Variants in RGS3 observed in about 807,000 individuals in gnomAD.
RGS3 encodes regulator of G-protein signalling 3.
RGS3 carries 80 observed loss-of-function variants against 132.6 expected under a neutral mutation model. That is an observed-to-expected ratio of 0.60 (90% CI 0.50 to 0.73). The LOEUF is 0.73. RGS3 is among the 30% of genes least tolerant of loss of function. The pLI is 0.00. For missense variants in RGS3, 1,382 were observed against 1,530.8 expected (o/e 0.90, Z 1.62); for synonymous variants, 598 against 620.6 (o/e 0.96, Z 0.54).
intron 3 of RGS3, among the ~76,000 whole-genome samples, chr9:113,478,331 G>A (rs1830059033): frequency 6.6e-6 from 1 of 151,868 alleles, no homozygotes; most frequent in African/African-American, 2.4e-5. Context: ...ATAGTTCGTG[G>A]ATATATTTGA....
At chr9:113,515,658 T>TA (rs1351964184) in intron 15 of RGS3, among the ~76,000 whole-genome samples, 2 of 151,912 alleles carry the variant, frequency 1.3e-5, no homozygotes, top group African/African-American at 4.8e-5. Context: ...AACAAAAACC[T>TA]AAAAATCTTT....
chr9:113,486,986 A>G (rs1830350265), intron 7 of RGS3, among the ~76,000 whole-genome samples: 1 of 150,804 alleles, frequency 6.6e-6, no homozygotes, highest in South Asian at 2.1e-4. Context: ...CGGATCACCG[A>G]TAGAGACTTG....
In RGS3 at chr9:113,532,884, C is replaced by G. The variant is rs544256384; in HGVS notation, c.1914+3620C>G. ...TTATACAAAAAGCTGCCAGCGAACT[C>G]TGCAGCTGCTCTGAGACCCAGCTAC... On this transcript the variant is annotated intron_variant, in intron 18 of 24. Coordinates refer to ENST00000350696, the Ensembl canonical transcript of RGS3. 3.3e-5 allele frequency among the ~76,000 whole-genome samples: 5 copies of G among 152,334 alleles called. No homozygotes were observed. In the East Asian group the frequency reaches 9.7e-4, roughly 29 times the overall value.
intron 21 of RGS3, chr9:113,592,689 T>A (rs1366886268): frequency 6.6e-6 from 1 of 152,164 alleles, no homozygotes; most frequent in Non-Finnish European, 1.5e-5. Flanking sequence ...GGTTTTGCCA[T>A]GTTGGCCAGG....
intron 17 of RGS3, among the ~76,000 whole-genome samples, chr9:113,528,308 G>A (rs1364893833): frequency 2.0e-5 from 3 of 152,236 alleles, no homozygotes; most frequent in Non-Finnish European, 4.4e-5. Flanking sequence ...CTAAGCGGGA[G>A]TGCTGCCAGG....
chr9:113,479,590 G>A (rs773487793), intron 4 of RGS3, 49 bp downstream of exon 2: 8 of 1,586,118 alleles, frequency 5.0e-6, no homozygotes, highest in Non-Finnish European at 6.9e-6. Flanking sequence ...GGGCCACTCA[G>A]CTTGCTGCCT....
At chr9:113,498,598 C>T (rs996299895) in intron 10 of RGS3, among the ~76,000 whole-genome samples, 6 of 152,112 alleles carry the variant, frequency 3.9e-5, no homozygotes, top group Non-Finnish European at 7.4e-5. Flanking sequence ...AGGGGATCTA[C>T]GGTTTTCTTT....
At chr9:113,484,189 G>T (rs770598136) in exon 6 of RGS3, 1 of 1,613,044 alleles carries the variant, frequency 6.2e-7, no homozygotes, top group Admixed American at 1.7e-5. Flanking sequence ...GACGCAGACC[G>T]TTCCAGACTG....
In RGS3 at chr9:113,447,329, G is replaced by GTATATATGTATATGTATATGTA. The variant is rs1305095004; in HGVS notation, c.-13+2409_-13+2410insGTATATGTATATGTATATATAT. 1.4e-3 allele frequency among the ~76,000 whole-genome samples: 39 copies of GTATATATGTATATGTATATGTA among 27,562 alleles called. 1 individual carries two copies. Among genetic ancestry groups the GTATATATGTATATGTATATGTA allele is most frequent in the Admixed American group, 2.2e-3 (4 of 1,784 alleles). The allele number at this position is 27,562 out of a possible 152,430, so 18.1% of individuals were successfully genotyped here. On this transcript the variant is annotated intron_variant, in intron 1 of 25. Transcript: ENST00000374140. Reference sequence around the variant, plus strand: ...CCAATAAATTCTGATGTATGTATATGTATATATATATATATATATATATAT... The same window carrying GTATATATGTATATGTATATGTA: ...CCAATAAATTCTGATGTATGTATATGTATATATGTATATGTATATGTATATATATATATATATATATATATAT...
chr9:113,562,632 C>A (rs1303270912), intron 19 of RGS3, among the ~76,000 whole-genome samples: 1 of 152,126 alleles, frequency 6.6e-6, no homozygotes, highest in Non-Finnish European at 1.5e-5. Context: ...GTGATTGGGG[C>A]CCAGTTCCTG....
intron 4 of RGS3, 127 bp downstream of exon 2, chr9:113,479,668 GTGTCC>G (rs1351854929): frequency 7.2e-6 from 6 of 838,144 alleles, no homozygotes; most frequent in Non-Finnish European, 1.2e-5. Flanking sequence ...TATAAAGGAT[GTGTCC>G]ATTGATAAAA....
At chr9:113,560,031 G>A (rs1291837951) in intron 19 of RGS3, among the ~76,000 whole-genome samples, 1 of 152,160 alleles carries the variant, frequency 6.6e-6, no homozygotes, top group African/African-American at 2.4e-5. Context: ...TTACAGATGA[G>A]GAAACTGAGA....
intron 18 of RGS3, among the ~76,000 whole-genome samples, chr9:113,534,367 A>C (rs1460831899): frequency 6.6e-6 from 1 of 152,194 alleles, no homozygotes; most frequent in Non-Finnish European, 1.5e-5. Flanking sequence ...GTTGTCCCTC[A>C]GTATCCACCA....
chr9:113,532,270 G>C (rs1832500592), intron 18 of RGS3, among the ~76,000 whole-genome samples: 1 of 152,162 alleles, frequency 6.6e-6, no homozygotes, highest in African/African-American at 2.4e-5. Context: ...TTACCTGTGA[G>C]GGAAGCCAGG....
chr9:113,449,449 G>A (rs554478538), intron 1 of RGS3, among the ~76,000 whole-genome samples: 1 of 152,286 alleles, frequency 6.6e-6, no homozygotes, highest in African/African-American at 2.4e-5. Context: ...TTTTACTTAT[G>A]AGAATTCCGT....
rs758929384 is a variant in RGS3 at position 113,596,861 on chromosome 9, G to A, written c.3505G>A (p.Gly1169Arg). Residue 1169 changes from glycine (G) to arginine (R), a missense_variant, in exon 25 of 25, where the codon GGG becomes AGG. Gly to Arg is a moderately radical substitution (Grantham distance 125, BLOSUM62 -2). Transcript: ENST00000350696. ...CGACCTGGCACAGAAGCGCATCTTC[G>A]GGCTCATGGAAAAGGACTCGTACCC... 1.7e-5 allele frequency: 27 copies of A among 1,613,824 alleles called. No individual in the cohort carries two copies. The Middle Eastern group carries it at 1.8e-3, about 108-fold the overall frequency.
At chr9:113,542,088 G>A (rs1021945648) in intron 19 of RGS3, 4 of 156,578 alleles carry the variant, frequency 2.6e-5, no homozygotes, top group African/African-American at 9.6e-5. Flanking sequence ...TCTTTAAGAG[G>A]GAATTGTACT....
chr9:113,470,595 C>G (rs906419609), intron 3 of RGS3, among the ~76,000 whole-genome samples: 1 of 152,134 alleles, frequency 6.6e-6, no homozygotes. Context: ...ATTTGCCTGA[C>G]ATATCTTTTT....
At chr9:113,570,558 C>A (rs1834239574) in intron 19 of RGS3, among the ~76,000 whole-genome samples, 2 of 152,176 alleles carry the variant, frequency 1.3e-5, no homozygotes. Flanking sequence ...AGCGTACCCC[C>A]ATCCAGGTCA....
Sources: gnomAD v4.1 joint callset for allele counts (sites outside exome capture counted in the v4.1 genomes callset) on GRCh38, gnomAD v4.1.1 for gene constraint, MANE v1.5 for transcripts, NCBI Gene and HGNC (gene_info 2026-07-23, HGNC 2026-07-21) for gene names.